Variants in OPCML observed in about 807,000 individuals in gnomAD.
The protein encoded by OPCML is opioid binding protein/cell adhesion molecule like.
OPCML carries 13 observed loss-of-function variants against 37.8 expected under a neutral mutation model. The observed-to-expected ratio is 0.34, with a 90% CI of 0.22 to 0.55. OPCML has a LOEUF of 0.55. Among genes scored for constraint, OPCML ranks in the 20% least tolerant of loss-of-function variants. The probability of loss-of-function intolerance (pLI) is 0.91; values close to 1 mark genes in which losing one functional copy is unlikely to be tolerated. For missense variants in OPCML, 341 were observed against 435.6 expected (o/e 0.78, Z 1.93); for synonymous variants, 176 against 168.8 (o/e 1.04, Z -0.33).
chr11:133,319,603 A>G (rs1450107960), intron 1 of OPCML, among the ~76,000 whole-genome samples: 4 of 152,148 alleles, frequency 2.6e-5, no homozygotes, highest in Non-Finnish European at 5.9e-5. Context: ...TAAAAAATAA[A>G]AACCTTGTTT....
rs1455763842 is a variant in OPCML at position 132,491,282 on chromosome 11, A to G, written c.505+37779T>C. On this transcript the variant is annotated intron_variant, in intron 4 of 7. Transcript: ENST00000524381. ...CTCCAAAAGCACTTACAGCTTCCCA[A>G]CACACTAAGAATAAAATCCAAACTC... Among the ~76,000 whole-genome samples the G allele has an allele frequency of 2.0e-5, 3 of 152,196 alleles. No individual in the cohort carries two copies. In the East Asian group the frequency reaches 5.8e-4, roughly 29 times the overall value.
intron 2 of OPCML, among the ~76,000 whole-genome samples, chr11:132,756,008 T>C (rs1302829838): frequency 6.6e-6 from 1 of 152,188 alleles, no homozygotes; most frequent in Non-Finnish European, 1.5e-5. Flanking sequence ...GTCTACTCTG[T>C]CCTCAGGATC....
chr11:133,500,683 C>T (rs1947892115), intron 1 of OPCML, among the ~76,000 whole-genome samples: 2 of 152,224 alleles, frequency 1.3e-5, no homozygotes, highest in Admixed American at 1.3e-4. Context: ...GAGTCCTCCT[C>T]CTGCATCTAG....
chr11:132,553,466 G>A (rs7928416), intron 3 of OPCML, among the ~76,000 whole-genome samples: 4,881 of 152,260 alleles, frequency 0.032, 281 homozygotes, highest in African/African-American at 0.11. Flanking sequence ...CCACAAGGAA[G>A]AGTGTGCATG....
intron 1 of OPCML, chr11:133,003,661 A>C (rs1328360438): frequency 2.0e-6 from 2 of 985,320 alleles, no homozygotes; most frequent in Non-Finnish European, 2.4e-6. Flanking sequence ...ACATACTAAA[A>C]AAACAAACAA....
Position 132,680,609 on chromosome 11 carries a change from A to G in OPCML, c.147-23290T>C, listed in dbSNP as rs150867839. 9.2e-5 allele frequency among the ~76,000 whole-genome samples: 14 copies of G among 152,286 alleles called. No homozygotes were observed. In the East Asian group the frequency reaches 2.5e-3, roughly 27 times the overall value. On this transcript the variant is annotated intron_variant, in intron 2 of 7. Coordinates refer to ENST00000524381, the MANE Select transcript of OPCML (RefSeq NM_001012393.5). ...GAGCTGGGGCGGCTGCGGCCACGCTACCTCAGCTGTAATTGTGATGATTCT... is the reference window on the plus strand; with the variant it reads ...GAGCTGGGGCGGCTGCGGCCACGCTGCCTCAGCTGTAATTGTGATGATTCT...
intron 1 of OPCML, among the ~76,000 whole-genome samples, chr11:133,163,913 T>C (rs111648582): frequency 6.6e-6 from 1 of 152,306 alleles, no homozygotes; most frequent in African/African-American, 2.4e-5. Context: ...GGCTTTTGAC[T>C]TAGTGTTTCT....
At chr11:132,787,227 C>T (rs1187327550) in intron 2 of OPCML, among the ~76,000 whole-genome samples, 1 of 152,016 alleles carries the variant, frequency 6.6e-6, no homozygotes, top group Non-Finnish European at 1.5e-5. Context: ...CAGATTGCAC[C>T]CCAAATTCAA....
At chr11:133,240,251 AC>A (rs1423475122) in intron 1 of OPCML, among the ~76,000 whole-genome samples, 2 of 151,888 alleles carry the variant, frequency 1.3e-5, no homozygotes, top group Non-Finnish European at 2.9e-5. Flanking sequence ...GGGCAAAAAA[AC>A]AGACTTCCCT....
At chr11:133,075,043 T>A (rs1948600010) in intron 1 of OPCML, among the ~76,000 whole-genome samples, 1 of 152,142 alleles carries the variant, frequency 6.6e-6, no homozygotes, top group African/African-American at 2.4e-5. Context: ...AAGGAAAGTG[T>A]GCGTGCAGTG....
At chr11:132,444,628 G>A (rs1396210738) in intron 4 of OPCML, among the ~76,000 whole-genome samples, 2 of 152,118 alleles carry the variant, frequency 1.3e-5, no homozygotes, top group Non-Finnish European at 2.9e-5. Context: ...CTGATGGCTA[G>A]GTTTGAAAAC....
intron 2 of OPCML, among the ~76,000 whole-genome samples, chr11:132,836,602 C>T (rs1041785591): frequency 2.8e-4 from 43 of 152,286 alleles, no homozygotes; most frequent in African/African-American, 8.9e-4. Context: ...ACGAATATTA[C>T]ACTAGCATGA....
chr11:133,296,562 C>T (rs967055504), intron 1 of OPCML, among the ~76,000 whole-genome samples: 3 of 152,186 alleles, frequency 2.0e-5, no homozygotes, highest in Non-Finnish European at 4.4e-5. Context: ...TTTCATTTCT[C>T]AGAATTGCAT....
intron 1 of OPCML, among the ~76,000 whole-genome samples, chr11:133,243,447 TTTATTCTTCCAGG>T (rs1565525746): frequency 1.6e-4 from 24 of 152,280 alleles, no homozygotes; most frequent in African/African-American, 5.3e-4. Flanking sequence ...GTGAGAACCA[TTTATTCTTCCAGG>T]TGCAACAGAG....
intron 1 of OPCML, among the ~76,000 whole-genome samples, chr11:133,320,439 C>T (rs950561517): frequency 3.3e-5 from 5 of 152,154 alleles, no homozygotes; most frequent in African/African-American, 9.6e-5. Context: ...CTATTCCTCA[C>T]ACATAAAATA....
In OPCML at chr11:132,437,314, T is replaced by C; in HGVS notation, c.551A>G (p.Asp184Gly). 1 of 1,614,234 alleles carries C rather than the reference T, an allele frequency of 6.2e-7. No individual in the cohort carries two copies. Among genetic ancestry groups the C allele is most frequent in the Non-Finnish European group, 8.5e-7 (1 of 1,180,040 alleles). Residue 184 changes from aspartate to glycine, a missense_variant, in exon 5 of 8, where the codon GAC (aspartate) becomes GGC (glycine). Coordinates refer to ENST00000524381, the MANE Select transcript of OPCML (RefSeq NM_001012393.5). Reference sequence around the variant, plus strand: ...CTCCCCGGACTGGTCTCGCTTGATGTCAGAGATCTCCAGGTACTCATCCTC... The same window carrying C: ...CTCCCCGGACTGGTCTCGCTTGATGCCAGAGATCTCCAGGTACTCATCCTC... ...VSEDEYLEIS[D>G]IKRDQSGEYE...
At chr11:132,587,518 C>T (rs1369250295) in intron 3 of OPCML, among the ~76,000 whole-genome samples, 1 of 152,208 alleles carries the variant, frequency 6.6e-6, no homozygotes, top group Non-Finnish European at 1.5e-5. Flanking sequence ...GCCTCTCCCC[C>T]AGCCCACACC....
intron 2 of OPCML, among the ~76,000 whole-genome samples, chr11:132,709,493 T>G (rs1432310642): frequency 1.3e-5 from 2 of 152,196 alleles, no homozygotes; most frequent in Non-Finnish European, 2.9e-5. Context: ...CATCTCACAG[T>G]GCATTTAGTT....
chr11:132,416,322 C>A lies in OPCML; in HGVS notation c.*3871G>T, dbSNP rs1487097593. On this transcript the variant is annotated 3_prime_UTR_variant, in exon 8 of 8. Transcript: ENST00000524381. ...CACCAGATCTTACCTCATCTTAAGC[C>A]ATTCCTCCCCTCCTACCATGGGCTG... 2 of 152,138 alleles carry A rather than the reference C, an allele frequency of 1.3e-5. No homozygotes were observed. Among genetic ancestry groups the A allele is most frequent in the African/African-American group, 4.8e-5 (2 of 41,416 alleles). The allele number at this position is 152,138 out of a possible 1,614,324, so 9.4% of individuals were successfully genotyped here. A position where few individuals can be genotyped will look rare whatever the true frequency, so the allele number is the denominator to read the frequency against.
Sources: allele counts gnomAD v4.1 joint callset (sites outside exome capture counted in the v4.1 genomes callset), GRCh38; gene constraint gnomAD v4.1.1; transcripts MANE v1.5; gene names NCBI Gene and HGNC (gene_info 2026-07-23, HGNC 2026-07-21).